PEPD: variants seen among roughly 807,000 people sequenced by gnomAD.
PEPD encodes the protein peptidase D.
In PEPD, 53 loss-of-function variants were observed where a neutral mutation model predicts 60.7. The observed-to-expected ratio is 0.87, with a 90% confidence interval of 0.70 to 1.10. PEPD has a LOEUF of 1.10. Ranked by LOEUF, PEPD falls within the 50% of genes least tolerant of loss-of-function variation. The pLI, the probability that PEPD is intolerant of heterozygous loss-of-function variation, is 0.00. For synonymous variants in PEPD, 267 were observed against 284.1 expected (o/e 0.94, Z 0.60); for missense variants, 711 against 711.9 (o/e 1.00, Z 0.01).
In PEPD at chr19:33,511,106, C is replaced by A. The variant is rs1970918005; in HGVS notation, c.251G>T (p.Gly84Val). The change falls in exon 3 of 15, where the codon GGT (glycine) becomes GTT (valine). Residue 84 changes from glycine (G) to valine (V), a missense_variant. Coordinates refer to ENST00000244137, the MANE Select transcript of PEPD (RefSeq NM_000285.4). ...CTTCCCAGTGTCAACATCGATGACA[C>A]CATAGCAGCCTGGCTCAGTGACACC... ...AFGVTEPGCYGVIDVDTGKST... is the reference protein window; with the variant it reads ...AFGVTEPGCYVVIDVDTGKST... The A allele has an allele frequency of 6.2e-7, 1 of 1,613,882 alleles. No individual in the cohort carries two copies. Among genetic ancestry groups the A allele is most frequent in the Non-Finnish European group, 8.5e-7 (1 of 1,179,890 alleles).
chr19:33,407,622 C>G (rs1968661398), intron 11 of PEPD, among the ~76,000 whole-genome samples: 5 of 152,216 alleles, frequency 3.3e-5, no homozygotes, highest in Admixed American at 3.3e-4. Flanking sequence ...GTGTGCTGCG[C>G]TTTTGTAACC....
intron 11 of PEPD, among the ~76,000 whole-genome samples, chr19:33,411,442 C>A (rs1295020397): frequency 6.6e-6 from 1 of 152,192 alleles, no homozygotes; most frequent in Non-Finnish European, 1.5e-5. Flanking sequence ...GGGCCCCTCT[C>A]CTGCACCCTC....
At chr19:33,396,678 G>C (rs1787871632) in intron 12 of PEPD, among the ~76,000 whole-genome samples, 1 of 141,666 alleles carries the variant, frequency 7.1e-6, no homozygotes, top group Admixed American at 7.0e-5. Flanking sequence ...GCACAGGAAA[G>C]AGTAGAGAAA....
At chr19:33,419,495 G>A (rs889579478) in intron 9 of PEPD, among the ~76,000 whole-genome samples, 4 of 152,210 alleles carry the variant, frequency 2.6e-5, no homozygotes, top group Non-Finnish European at 4.4e-5. Context: ...GAACAATGAC[G>A]GGCTGGGGTC....
At position 33,387,876 on chromosome 19, in the gene PEPD, C is replaced by A; in HGVS notation, c.1344+14G>T. On this transcript the variant is annotated intron_variant, in intron 14 of 14. Coordinates refer to ENST00000244137, the MANE Select transcript of PEPD (RefSeq NM_000285.4). The stretch of plus-strand genomic sequence containing the variant: ...GATGTTCTGGGAGCAAGAATGGGGC[C>A]CGTGGGCACTCACCCCGCCAAAACC... The A allele has an allele frequency of 6.4e-7, 1 of 1,550,636 alleles. No homozygotes were observed. Among genetic ancestry groups the A allele is most frequent in the Non-Finnish European group, 8.7e-7 (1 of 1,146,388 alleles).
At chr19:33,514,464 C>T (rs894862183) in intron 1 of PEPD, among the ~76,000 whole-genome samples, 3 of 151,948 alleles carry the variant, frequency 2.0e-5, no homozygotes, top group African/African-American at 4.8e-5. Context: ...TGGTCTTCCC[C>T]GGCCTCCCTC....
chr19:33,461,257 T>C (rs190285628), intron 9 of PEPD, among the ~76,000 whole-genome samples: 115 of 152,136 alleles, frequency 7.6e-4, no homozygotes, highest in Middle Eastern at 3.4e-3. Flanking sequence ...GTGGGGACTT[T>C]GGGGTTCATT....
At chr19:33,517,125 G>A (rs919955430) in intron 1 of PEPD, among the ~76,000 whole-genome samples, 3 of 152,180 alleles carry the variant, frequency 2.0e-5, no homozygotes. Flanking sequence ...AGACTACAGT[G>A]AGCTGAGATC....
intron 9 of PEPD, among the ~76,000 whole-genome samples, chr19:33,429,750 C>G (rs1385038124): frequency 6.6e-6 from 1 of 152,124 alleles, no homozygotes; most frequent in African/African-American, 2.4e-5. Flanking sequence ...TTCCAACACA[C>G]AGAACAATAG....
At chr19:33,500,802 G>T (rs1970692771) in intron 4 of PEPD, 136 bp downstream of exon 4, 1 of 754,518 alleles carries the variant, frequency 1.3e-6, no homozygotes. Flanking sequence ...GGGAGCACCT[G>T]CGGCGCAGGG....
intron 12 of PEPD, among the ~76,000 whole-genome samples, chr19:33,393,292 G>A (rs1434055673): frequency 6.7e-6 from 1 of 149,866 alleles, no homozygotes; most frequent in Admixed American, 6.6e-5. Context: ...CTGGCGTGGG[G>A]GAGAGCCCGG....
intron 9 of PEPD, among the ~76,000 whole-genome samples, chr19:33,418,917 G>A (rs1420649330): frequency 6.6e-6 from 1 of 152,212 alleles, no homozygotes; most frequent in Non-Finnish European, 1.5e-5. Context: ...AATAAAACTG[G>A]TGCTAGCGGA....
At chr19:33,482,260 T>TC (rs1970325148) in intron 6 of PEPD, among the ~76,000 whole-genome samples, 1 of 152,180 alleles carries the variant, frequency 6.6e-6, no homozygotes, top group Non-Finnish European at 1.5e-5. Context: ...TGGGATTTTT[T>TC]CCCAGGAATA....
At chr19:33,400,052 T>A (rs1397903090) in intron 12 of PEPD, among the ~76,000 whole-genome samples, 1 of 152,206 alleles carries the variant, frequency 6.6e-6, no homozygotes, top group Non-Finnish European at 1.5e-5. Flanking sequence ...TACTGGGCTA[T>A]CCCCTCTGCC....
intron 9 of PEPD, among the ~76,000 whole-genome samples, chr19:33,448,856 T>A (rs1448714181): frequency 6.6e-6 from 1 of 152,216 alleles, no homozygotes; most frequent in Non-Finnish European, 1.5e-5. Context: ...TTGACTTCAA[T>A]GAACCAAAAT....
intron 11 of PEPD, among the ~76,000 whole-genome samples, chr19:33,405,827 C>T (rs1283399225): frequency 6.6e-6 from 1 of 151,748 alleles, no homozygotes; most frequent in Non-Finnish European, 1.5e-5. Flanking sequence ...ACGGCCACTC[C>T]TCCAGGGCCT....
chr19:33,513,069 G>A (rs994375860), intron 1 of PEPD, among the ~76,000 whole-genome samples: 5 of 149,762 alleles, frequency 3.3e-5, no homozygotes, highest in South Asian at 2.1e-4. Flanking sequence ...CCACGCTCCC[G>A]AATCTGCAGC....
Position 33,478,055 on chromosome 19 carries a change from A to G in PEPD, c.539T>C (p.Ile180Thr). ...CACAGGCCGTACTCACCACTCAACG[A>G]TCTCTGGGTGAAGAATGGTATTGTT... ...EVNNTILHPE[I>T]VECRVFKTDM... Residue 180 changes from isoleucine to threonine, a missense_variant, in exon 7 of 15, where the codon ATC becomes ACC. Physicochemically the swap from Ile to Thr is moderately conservative, Grantham distance 89. Transcript: ENST00000244137. 1 of 1,611,036 alleles carries G rather than the reference A, an allele frequency of 6.2e-7. No individual in the cohort carries two copies. The highest frequency in any genetic ancestry group is 8.5e-7 in the Non-Finnish European group (1 of 1,177,916).
In PEPD at chr19:33,463,025, T is replaced by G. The variant is rs1434183782; in HGVS notation, c.641A>C (p.Lys214Thr). ...EAHREVMKAV[K>T]VGMKEYELES... ...CAACTCATATTCTTTCATTCCCACT[T>G]TTACAGCCTTCATTACCTGGAGGAC... is the stretch of plus-strand genomic sequence containing the variant. Residue 214 changes from lysine (K) to threonine (T), a missense_variant, in exon 9 of 15, where the codon AAA becomes ACA. By Grantham distance (78) the Lys-to-Thr change is moderately conservative (BLOSUM62 -1). Transcript: ENST00000244137. The G allele has an allele frequency of 6.3e-7, 1 of 1,596,352 alleles. No individual in the cohort carries two copies. Among genetic ancestry groups the G allele is most frequent in the Admixed American group, 1.7e-5 (1 of 60,012 alleles).
Sources: allele counts gnomAD v4.1 joint callset (sites outside exome capture counted in the v4.1 genomes callset), GRCh38; gene constraint gnomAD v4.1.1; transcripts MANE v1.5; gene names NCBI Gene and HGNC (gene_info 2026-07-23, HGNC 2026-07-21).